Variants in BRAF observed in about 807,000 individuals in gnomAD.
BRAF encodes B-Raf proto-oncogene, serine/threonine kinase, also known as serine/threonine-protein kinase B-raf.
Under a neutral mutation model 104.6 loss-of-function variants are expected in BRAF, and 16 were observed. The ratio of observed to expected loss-of-function variants is 0.15; its 90% confidence interval spans 0.10 to 0.23. The LOEUF (loss-of-function observed/expected upper bound fraction) is 0.23, where lower values mean the gene tolerates loss of function less well. Ranked by LOEUF, BRAF falls within the 10% of genes least tolerant of loss-of-function variation. BRAF has a pLI of 1.00. For synonymous variants in BRAF, 310 were observed against 341.6 expected, an observed-to-expected ratio of 0.91 and a Z score of 1.02; for missense variants, 541 against 937.3, an observed-to-expected ratio of 0.58 and a Z score of 5.52.
intron 15 of BRAF, chr7:140,753,955 C>G (rs1797995932): frequency 3.5e-6 from 2 of 568,392 alleles, no homozygotes; most frequent in South Asian, 4.1e-5. Context: ...TCAAAAACTC[C>G]TACTATTGTA....
At chr7:140,855,861 A>T (rs775501303) in intron 1 of BRAF, among the ~76,000 whole-genome samples, 17 of 151,504 alleles carry the variant, frequency 1.1e-4, no homozygotes, top group Non-Finnish European at 1.8e-4. Flanking sequence ...CTCTACTAAA[A>T]GTACAAAAAT....
At chr7:140,717,322 C>T (rs1046640956), downstream of BRAF, among the ~76,000 whole-genome samples, 5 of 152,116 alleles carry the variant, frequency 3.3e-5, no homozygotes, top group Non-Finnish European at 7.3e-5. Flanking sequence ...GCTCTGCCGC[C>T]CAGGCTGCAG....
At chr7:140,894,526 G>A (rs1814656386) in intron 1 of BRAF, among the ~76,000 whole-genome samples, 1 of 152,032 alleles carries the variant, frequency 6.6e-6, no homozygotes, top group Admixed American at 6.6e-5. Flanking sequence ...AGGTATAAGT[G>A]TACTGATTTT....
chr7:140,824,638 T>C (rs1290604164), intron 3 of BRAF, among the ~76,000 whole-genome samples: 1 of 151,808 alleles, frequency 6.6e-6, no homozygotes, highest in Non-Finnish European at 1.5e-5. Flanking sequence ...TAGGACGGAC[T>C]TTCTATTTCT....
chr7:140,874,964 A>G (rs193251473), intron 1 of BRAF, among the ~76,000 whole-genome samples: 53 of 152,262 alleles, frequency 3.5e-4, no homozygotes, highest in African/African-American at 1.2e-3. Flanking sequence ...CATGAGAGAT[A>G]TGCCTGCTTC....
intron 1 of BRAF, among the ~76,000 whole-genome samples, chr7:140,857,915 C>T (rs1456941316): frequency 6.6e-6 from 1 of 152,120 alleles, no homozygotes; most frequent in Non-Finnish European, 1.5e-5. Flanking sequence ...AGAGCAGTTG[C>T]TCACACTGTA....
At chr7:140,799,755 C>T (rs139364539) in intron 7 of BRAF, 58 of 236,652 alleles carry the variant, frequency 2.5e-4, no homozygotes, top group Non-Finnish European at 4.2e-4. Context: ...TCACATACTT[C>T]AATATACTCC....
chr7:140,776,603 A>C (rs182409931), intron 14 of BRAF, among the ~76,000 whole-genome samples: 110 of 152,344 alleles, frequency 7.2e-4, no homozygotes, highest in African/African-American at 2.1e-3. Context: ...ACAACTGCTA[A>C]CAACTTTTTA....
intron 1 of BRAF, among the ~76,000 whole-genome samples, chr7:140,902,029 C>T (rs1354741379): frequency 6.6e-6 from 1 of 152,204 alleles, no homozygotes; most frequent in East Asian, 1.9e-4. Context: ...ATAAACTGTA[C>T]AGGCATGCTT....
chr7:140,788,035 C>T (rs967772644), intron 8 of BRAF, among the ~76,000 whole-genome samples: 1 of 152,164 alleles, frequency 6.6e-6, no homozygotes, highest in African/African-American at 2.4e-5. Flanking sequence ...CTAATGGATG[C>T]TGTGCTTCAT....
chr7:140,794,220 C>T (rs1802289873), intron 8 of BRAF, 88 bp downstream of exon 8: 1 of 1,501,698 alleles, frequency 6.7e-7, no homozygotes, highest in African/African-American at 1.4e-5. Context: ...AAAAATGGCA[C>T]TTATTTCTGA....
intron 19 of BRAF, among the ~76,000 whole-genome samples, chr7:140,729,938 T>A (rs948042643): frequency 6.6e-6 from 1 of 152,136 alleles, no homozygotes; most frequent in Non-Finnish European, 1.5e-5. Context: ...GCAAACACTA[T>A]CACTCTATCA....
chr7:140,830,306 C>G (rs1186172930), intron 3 of BRAF, among the ~76,000 whole-genome samples: 1 of 152,078 alleles, frequency 6.6e-6, no homozygotes, highest in Non-Finnish European at 1.5e-5. Context: ...TTGTATAGGT[C>G]CAACAAATGG....
At chr7:140,899,933 C>A (rs748551764) in intron 1 of BRAF, among the ~76,000 whole-genome samples, 1 of 152,162 alleles carries the variant, frequency 6.6e-6, no homozygotes, top group Non-Finnish European at 1.5e-5. Flanking sequence ...TGGTTTCCAT[C>A]TTGGGTGTTT....
At chr7:140,812,093 CTT>C (rs1404575262) in intron 3 of BRAF, among the ~76,000 whole-genome samples, 1 of 149,988 alleles carries the variant, frequency 6.7e-6, no homozygotes, top group Non-Finnish European at 1.5e-5. Flanking sequence ...TCTTTTTTAT[CTT>C]TGTTTTTAAT....
Position 140,724,223 on chromosome 7 carries a change from C to A in BRAF, c.*2271G>T. 9.4e-7 allele frequency: 1 copy of A among 1,058,760 alleles called. No homozygotes were observed. The highest frequency in any genetic ancestry group is 1.1e-6 in the Non-Finnish European group (1 of 875,198). 65.6% of individuals were successfully genotyped at this position (1,058,760 alleles called of 1,614,324 possible). A position where few individuals can be genotyped will look rare whatever the true frequency, so the allele number is the denominator to read the frequency against. ...CGCCCCTGCCCCTGCCCCACGGAGG[C>A]AGTCCCGGACCCAGGCTGCACATGT... On this transcript the variant is annotated 3_prime_UTR_variant, in exon 20 of 20. Coordinates refer to ENST00000644969, the MANE Select transcript of BRAF (RefSeq NM_001374258.1).
intron 3 of BRAF, among the ~76,000 whole-genome samples, chr7:140,809,422 C>T (rs1803991023): frequency 6.6e-6 from 1 of 152,116 alleles, no homozygotes; most frequent in African/African-American, 2.4e-5. Context: ...CTCTTACTGG[C>T]CCTAAACATA....
chr7:140,907,713 A>C (rs751054321), intron 1 of BRAF, among the ~76,000 whole-genome samples: 1 of 151,726 alleles, frequency 6.6e-6, no homozygotes, highest in Admixed American at 6.6e-5. Context: ...TCAGTCTCCC[A>C]AAGTATTGGG....
intron 1 of BRAF, among the ~76,000 whole-genome samples, chr7:140,893,395 G>A (rs1419882639): frequency 6.6e-6 from 1 of 151,908 alleles, no homozygotes; most frequent in Non-Finnish European, 1.5e-5. Context: ...GGCTACAGGC[G>A]CCCGCCACCA....
Sources: allele counts gnomAD v4.1 joint callset (sites outside exome capture counted in the v4.1 genomes callset), GRCh38; gene constraint gnomAD v4.1.1; transcripts MANE v1.5; gene names NCBI Gene and HGNC (gene_info 2026-07-23, HGNC 2026-07-21).